Variants in EYS observed in about 807,000 individuals in gnomAD.
EYS encodes the protein EGF-like photoreceptor maintenance factor.
In EYS, 250 loss-of-function variants were observed where a neutral mutation model predicts 282.1. The ratio of observed to expected loss-of-function variants is 0.89; its 90% CI spans 0.80 to 0.98. The LOEUF is 0.98. Ranked by LOEUF, EYS falls within the 50% of genes least tolerant of loss-of-function variation. The probability of loss-of-function intolerance (pLI) is 0.00; values close to 1 mark genes in which losing one functional copy is unlikely to be tolerated. For synonymous variants in EYS, 1,355 were observed against 1,282.9 expected (o/e 1.06, Z -1.20); for missense variants, 4,016 against 3,709.0 (o/e 1.08, Z -2.15).
intron 31 of EYS, among the ~76,000 whole-genome samples, chr6:64,122,696 A>G (rs979570353): frequency 6.6e-6 from 1 of 152,200 alleles, no homozygotes; most frequent in South Asian, 2.1e-4. Flanking sequence ...AAAGAATTTG[A>G]GAACTTGTAC....
At chr6:65,012,625 T>G (rs1048966431) in intron 13 of EYS, among the ~76,000 whole-genome samples, 3 of 152,150 alleles carry the variant, frequency 2.0e-5, no homozygotes, top group African/African-American at 7.2e-5. Context: ...AAAAGCCAAG[T>G]GTCCCTGTGA....
chr6:64,132,011 A>G (rs1471174862), intron 31 of EYS, among the ~76,000 whole-genome samples: 2 of 152,104 alleles, frequency 1.3e-5, no homozygotes, highest in Admixed American at 1.3e-4. Context: ...AGTATTCTCT[A>G]TTTATAGACT....
At chr6:64,457,067 G>C (rs1775580060) in intron 26 of EYS, among the ~76,000 whole-genome samples, 1 of 151,658 alleles carries the variant, frequency 6.6e-6, no homozygotes, top group Admixed American at 6.6e-5. Flanking sequence ...TGTATGCTGT[G>C]TTTTCATTTT....
At chr6:65,389,052 T>C (rs761950409) in intron 7 of EYS, among the ~76,000 whole-genome samples, 3 of 152,242 alleles carry the variant, frequency 2.0e-5, no homozygotes, top group South Asian at 4.1e-4. Context: ...CAGTTTACTA[T>C]ACTGTAATTA....
chr6:64,300,331 C>T (rs1325142038), intron 30 of EYS, among the ~76,000 whole-genome samples: 3 of 152,322 alleles, frequency 2.0e-5, no homozygotes, highest in Middle Eastern at 3.4e-3. Context: ...AAGTGCAACA[C>T]TGCTGCCGTC....
chr6:65,548,806 T>C (rs1768490764), intron 2 of EYS, among the ~76,000 whole-genome samples: 1 of 152,166 alleles, frequency 6.6e-6, no homozygotes, highest in Admixed American at 6.6e-5. Flanking sequence ...ACACAGACAA[T>C]TCAACTCAAA....
chr6:64,445,289 G>C (rs1036159969), intron 26 of EYS, among the ~76,000 whole-genome samples: 3 of 152,052 alleles, frequency 2.0e-5, no homozygotes, highest in Non-Finnish European at 4.4e-5. Context: ...GAATAGCTTT[G>C]TGAAGAAAAC....
At chr6:64,992,631 CT>C (rs1771103393) in intron 14 of EYS, among the ~76,000 whole-genome samples, 1 of 151,768 alleles carries the variant, frequency 6.6e-6, no homozygotes, top group Non-Finnish European at 1.5e-5. Flanking sequence ...TCTCTTTTTG[CT>C]ACAAAAATTG....
intron 31 of EYS, among the ~76,000 whole-genome samples, chr6:64,157,266 T>G (rs1054046842): frequency 4.6e-5 from 7 of 152,182 alleles, no homozygotes; most frequent in East Asian, 1.9e-4. Context: ...GTGTATATGT[T>G]CCACATTTTC....
At chr6:64,985,943 T>C (rs1045002848) in intron 14 of EYS, among the ~76,000 whole-genome samples, 3 of 151,658 alleles carry the variant, frequency 2.0e-5, no homozygotes, top group South Asian at 4.1e-4. Flanking sequence ...CTTCTACTTA[T>C]CACGTTTTCC....
intron 12 of EYS, among the ~76,000 whole-genome samples, chr6:65,146,119 T>C (rs1764470290): frequency 6.6e-6 from 1 of 151,802 alleles, no homozygotes; most frequent in Non-Finnish European, 1.5e-5. Flanking sequence ...TTAAAGTAAA[T>C]ATAGCACTAT....
At chr6:64,703,015 AT>A (rs1305449350) in intron 22 of EYS, among the ~76,000 whole-genome samples, 1 of 152,014 alleles carries the variant, frequency 6.6e-6, no homozygotes, top group Non-Finnish European at 1.5e-5. Flanking sequence ...TGATTAAACA[AT>A]TTTTTTCACA....
intron 12 of EYS, among the ~76,000 whole-genome samples, chr6:65,158,691 A>G (rs1285236655): frequency 6.6e-6 from 1 of 150,938 alleles, no homozygotes; most frequent in Admixed American, 6.6e-5. Flanking sequence ...TAACCTGGGT[A>G]TCTCTAAATG....
chr6:63,816,509 A>G (rs1267313097), intron 36 of EYS, among the ~76,000 whole-genome samples: 1 of 152,262 alleles, frequency 6.6e-6, no homozygotes, highest in African/African-American at 2.4e-5. Flanking sequence ...GAGAACTAGC[A>G]GGGAAAGCAG....
chr6:63,817,661 G>A (rs1305583091), intron 36 of EYS, among the ~76,000 whole-genome samples: 4 of 152,178 alleles, frequency 2.6e-5, no homozygotes, highest in Admixed American at 2.6e-4. Flanking sequence ...GGAAGCCCTG[G>A]GGCTAAACTC....
At chr6:64,295,496 GAAAGAAGA>G (rs1187766433) in intron 30 of EYS, among the ~76,000 whole-genome samples, 1 of 33,244 alleles carries the variant, frequency 3.0e-5, no homozygotes, top group Non-Finnish European at 5.3e-5. Flanking sequence ...AGAAGAAGAA[GAAAGAAGA>G]AAGAAGAAAG....
chr6:65,515,579 G>A (rs1012771316), intron 2 of EYS, among the ~76,000 whole-genome samples: 85 of 152,014 alleles, frequency 5.6e-4, no homozygotes, highest in African/African-American at 2.0e-3. Context: ...AAGAAAATGT[G>A]ACACATATAC....
Position 64,073,936 on chromosome 6 carries a change from C to T in EYS, c.6572-7445G>A, listed in dbSNP as rs1433010115. 2.6e-5 allele frequency among the ~76,000 whole-genome samples: 4 copies of T among 151,892 alleles called. No homozygotes were observed. The East Asian group carries it at 7.7e-4, about 29-fold the overall frequency. ...GTCGTTGAAAGAAAGTCATTCTATT[C>T]TTTCACTGAAAAGATGCTTGATGAT... On this transcript the variant is annotated intron_variant, in intron 32 of 42. Transcript: ENST00000503581.
chr6:63,861,124 C>T (rs887075709), intron 36 of EYS, among the ~76,000 whole-genome samples: 1 of 152,154 alleles, frequency 6.6e-6, no homozygotes, highest in Non-Finnish European at 1.5e-5. Flanking sequence ...TCTTTTTCTT[C>T]ATTTGTACAA....
Sources: gnomAD v4.1 joint callset for allele counts (sites outside exome capture counted in the v4.1 genomes callset) on GRCh38, gnomAD v4.1.1 for gene constraint, MANE v1.5 for transcripts, NCBI Gene and HGNC (gene_info 2026-07-23, HGNC 2026-07-21) for gene names.